ZNF490: variants seen among roughly 807,000 people sequenced by gnomAD.
The protein encoded by ZNF490 is zinc finger protein 490.
In ZNF490, 11 loss-of-function variants were observed where a neutral mutation model predicts 17.7. The ratio of observed to expected loss-of-function variants is 0.62; its 90% CI spans 0.39 to 1.03. The LOEUF (loss-of-function observed/expected upper bound fraction) is 1.03, where lower values mean the gene tolerates loss of function less well. Among genes scored for constraint, ZNF490 ranks in the 50% least tolerant of loss-of-function variants. The probability of loss-of-function intolerance (pLI) is 0.00; values close to 1 mark genes in which losing one functional copy is unlikely to be tolerated. For synonymous variants in ZNF490, 222 were observed against 216.1 expected, an observed-to-expected ratio of 1.03 and a Z score of -0.24; for missense variants, 542 against 643.4, an observed-to-expected ratio of 0.84 and a Z score of 1.71.
Position 12,580,819 on chromosome 19 carries a change from T to A in ZNF490, c.1256A>T (p.Glu419Val). 1 of 1,614,174 alleles carries A rather than the reference T, an allele frequency of 6.2e-7. No individual in the cohort carries two copies. Among genetic ancestry groups the A allele is most frequent in the Non-Finnish European group, 8.5e-7 (1 of 1,180,026 alleles). Residue 419 changes from glutamate (E) to valine (V), a missense_variant, in exon 5 of 5, where the codon GAA becomes GTA. Physicochemically the swap from Glu to Val is moderately radical, Grantham distance 121 (BLOSUM62 -2). Coordinates refer to ENST00000311437, the MANE Select transcript of ZNF490 (RefSeq NM_020714.3). ...ERVHTGEKTY[E>V]CKECGKAFLY... ...AAAGGCTTTACCACATTCTTTACAT[T>A]CGTAAGTTTTCTCGCCAGTGTGAAC...
At chr19:12,608,775 A>AT (rs1015547042) in intron 2 of ZNF490, among the ~76,000 whole-genome samples, 9 of 151,632 alleles carry the variant, frequency 5.9e-5, no homozygotes, top group Non-Finnish European at 1.5e-5. Context: ...ACACCCAGCC[A>AT]TTTTTTTTAT....
At chr19:12,593,333 C>T (rs904791722) in intron 2 of ZNF490, among the ~76,000 whole-genome samples, 6 of 151,876 alleles carry the variant, frequency 4.0e-5, no homozygotes, top group Admixed American at 2.0e-4. Flanking sequence ...CTGCAACCTC[C>T]GCCTCCCAGG....
At position 12,577,629 on chromosome 19, in the gene ZNF490, A is replaced by C; in HGVS notation, c.*2856T>G. 1.0e-6 allele frequency: 1 copy of C among 985,482 alleles called. No homozygotes were observed. The highest frequency in any genetic ancestry group is 1.2e-6 in the Non-Finnish European group (1 of 829,970). The allele number at this position is 985,482 out of a possible 1,614,324, so 61.0% of individuals were successfully genotyped here. On this transcript the variant is annotated 3_prime_UTR_variant, in exon 5 of 5. Coordinates refer to ENST00000311437, the MANE Select transcript of ZNF490 (RefSeq NM_020714.3). ...TAGCCGTCACTTCCACTGAGGCCTCATCTGCCAGCAAACCTTGCTCCAGTC... is the reference window on the plus strand; with the variant it reads ...TAGCCGTCACTTCCACTGAGGCCTCCTCTGCCAGCAAACCTTGCTCCAGTC...
chr19:12,591,842 A>C (rs1026344567), intron 2 of ZNF490, among the ~76,000 whole-genome samples: 39 of 152,122 alleles, frequency 2.6e-4, no homozygotes, highest in Non-Finnish European at 5.6e-4. Context: ...CAAAAAAAAA[A>C]AAAACACACT....
At chr19:12,588,585 G>A (rs1453535653) in intron 2 of ZNF490, among the ~76,000 whole-genome samples, 1 of 152,166 alleles carries the variant, frequency 6.6e-6, no homozygotes, top group African/African-American at 2.4e-5. Flanking sequence ...AATCAGGAAG[G>A]ACATAATTAA....
In ZNF490 at chr19:12,578,180, G is replaced by A. The variant is rs531759221; in HGVS notation, c.*2305C>T. The A allele has an allele frequency of 5.2e-4, 516 of 985,498 alleles. 1 individual carries two copies. Among genetic ancestry groups the A allele is most frequent in the African/African-American group, 5.0e-3 (287 of 57,366 alleles). The allele number at this position is 985,498 out of a possible 1,614,324, so 61.0% of individuals were successfully genotyped here. The stretch of plus-strand genomic sequence containing the variant: ...ATGCATGTGACATGCACTGACGTGA[G>A]AAGGCCGGAGCATCATCAGTGCATA... On this transcript the variant is annotated 3_prime_UTR_variant, in exon 5 of 5. Transcript: ENST00000311437.
At position 12,578,921 on chromosome 19, in the gene ZNF490, A is replaced by C; in HGVS notation, c.*1564T>G. On this transcript the variant is annotated 3_prime_UTR_variant, in exon 5 of 5. Transcript: ENST00000311437. The stretch of plus-strand genomic sequence containing the variant: ...GATGTTCCCATATTGCTTACATTTA[A>C]GAAGGTGGCTCTCCAGTGTGGGTGG... 2.0e-6 allele frequency: 2 copies of C among 985,380 alleles called. No homozygotes were observed. Among genetic ancestry groups the C allele is most frequent in the Non-Finnish European group, 1.2e-6 (1 of 829,868 alleles). The allele number at this position is 985,380 out of a possible 1,614,324, so 61.0% of individuals were successfully genotyped here. A position where few individuals can be genotyped will look rare whatever the true frequency, so the allele number is the denominator to read the frequency against.
chr19:12,578,639 C>G lies in ZNF490; in HGVS notation c.*1846G>C. 1.0e-6 allele frequency: 1 copy of G among 985,394 alleles called. No individual in the cohort carries two copies. Among genetic ancestry groups the G allele is most frequent in the Non-Finnish European group, 1.2e-6 (1 of 829,954 alleles). 61.0% of individuals were successfully genotyped at this position (985,394 alleles called of 1,614,324 possible). ...CCACTTGGGGAAAAACTGTAAGATG[C>G]GAACCTTTGTCTTAGAAGTACAGCA... On this transcript the variant is annotated 3_prime_UTR_variant, in exon 5 of 5. Transcript: ENST00000311437.
At position 12,579,484 on chromosome 19, in the gene ZNF490, G is replaced by A. The variant is rs1352605169; in HGVS notation, c.*1001C>T. The A allele has an allele frequency of 6.8e-6, 1 of 146,918 alleles. No individual in the cohort carries two copies. Among genetic ancestry groups the A allele is most frequent in the Non-Finnish European group, 1.5e-5 (1 of 67,362 alleles). The allele number at this position is 146,918 out of a possible 1,614,324, so 9.1% of individuals were successfully genotyped here. A position where few individuals can be genotyped will look rare whatever the true frequency, so the allele number is the denominator to read the frequency against. Reference sequence around the variant, plus strand: ...GATTGCTTTGACCTGGGAGGCAGAGGTTGCGCCACTTTCACTCCAGCCTAG... The same window carrying A: ...GATTGCTTTGACCTGGGAGGCAGAGATTGCGCCACTTTCACTCCAGCCTAG... On this transcript the variant is annotated 3_prime_UTR_variant, in exon 5 of 5. Transcript: ENST00000311437.
rs1480416728 is a variant in ZNF490, at chr19:12,595,761, C to A, written c.163-12205G>T. Among the ~76,000 whole-genome samples, 7 of 151,228 alleles carry A rather than the reference C, an allele frequency of 4.6e-5. No homozygotes were observed. The East Asian group carries it at 1.4e-3, about 30-fold the overall frequency. The stretch of plus-strand genomic sequence containing the variant: ...GGTCAGGAGTTTGAGACCAGCCTGG[C>A]CAACCTGGCGAAACCCCATCTCTAC... On this transcript the variant is annotated intron_variant, in intron 2 of 4. Coordinates refer to ENST00000311437, the MANE Select transcript of ZNF490 (RefSeq NM_020714.3).
intron 2 of ZNF490, among the ~76,000 whole-genome samples, chr19:12,605,073 A>G (rs868467010): frequency 1.3e-5 from 2 of 152,174 alleles, no homozygotes; most frequent in Middle Eastern, 3.4e-3. Flanking sequence ...GAATCATTTG[A>G]ACCCTGGAGA....
chr19:12,584,011 C>A (rs747662432), intron 2 of ZNF490, among the ~76,000 whole-genome samples: 2 of 150,658 alleles, frequency 1.3e-5, no homozygotes, highest in Non-Finnish European at 1.5e-5. Flanking sequence ...AGAGTTTCAC[C>A]GTGTTAGCCA....
intron 2 of ZNF490, among the ~76,000 whole-genome samples, chr19:12,598,639 A>C (rs1452547567): frequency 6.6e-6 from 1 of 151,008 alleles, no homozygotes; most frequent in Non-Finnish European, 1.5e-5. Flanking sequence ...GGCCTCCCAA[A>C]GTGCTGGGAT....
rs549234737 is a variant in ZNF490, at chr19:12,603,882, C to T, written c.162+5276G>A. On this transcript the variant is annotated intron_variant, in intron 2 of 4. Transcript: ENST00000311437. ...GGTGGAAGAAATGTCTTTAGTTATT[C>T]ATAACCATCCCCTTTCCACCACAGC... is the stretch of plus-strand genomic sequence containing the variant. 3.9e-5 allele frequency among the ~76,000 whole-genome samples: 6 copies of T among 151,908 alleles called. No homozygotes were observed. In the South Asian group the frequency reaches 1.0e-3, roughly 26 times the overall value.
Position 12,577,244 on chromosome 19 carries a change from T to A in ZNF490, c.*3241A>T, listed in dbSNP as rs984076212. Among the ~76,000 whole-genome samples the A allele has an allele frequency of 6.6e-6, 1 of 152,106 alleles. No individual in the cohort carries two copies. The highest frequency in any genetic ancestry group is 6.5e-5 in the Admixed American group (1 of 15,270). On this transcript the variant is annotated 3_prime_UTR_variant, in exon 5 of 5. Transcript: ENST00000311437. ...TACACAAAAGGGTTTTACAAAAACA[T>A]CATCATAGACCCACATATACTTGTC...
intron 4 of ZNF490, among the ~76,000 whole-genome samples, chr19:12,582,079 G>A (rs1417000017): frequency 3.9e-5 from 6 of 152,068 alleles, no homozygotes; most frequent in African/African-American, 7.2e-5. Context: ...GCACCACCAC[G>A]CCCCGCTAAT....
rs935961627 is a variant in ZNF490, at chr19:12,580,428, C to G, written c.*57G>C. ...CTTGAATTTCTCTCCAGCGTAAGTACTCTCATACATCCAAAAGGAACTAAT... is the reference window on the plus strand; with the variant it reads ...CTTGAATTTCTCTCCAGCGTAAGTAGTCTCATACATCCAAAAGGAACTAAT... On this transcript the variant is annotated 3_prime_UTR_variant, in exon 5 of 5. Transcript: ENST00000311437. The G allele has an allele frequency of 1.3e-6, 2 of 1,520,760 alleles. No homozygotes were observed. The highest frequency in any genetic ancestry group is 2.2e-5 in the Admixed American group (1 of 45,108). The allele number at this position is 1,520,760 out of a possible 1,614,324, so 94.2% of individuals were successfully genotyped here.
Position 12,580,296 on chromosome 19 carries a change from G to C in ZNF490, c.*189C>G. On this transcript the variant is annotated 3_prime_UTR_variant, in exon 5 of 5. Coordinates refer to ENST00000311437, the MANE Select transcript of ZNF490 (RefSeq NM_020714.3). Reference sequence around the variant, plus strand: ...CCATTCACATATCTGCAATCCCGCAGGAGAGTGCAAGTTCCTCCCCCATTT... The same window carrying C: ...CCATTCACATATCTGCAATCCCGCACGAGAGTGCAAGTTCCTCCCCCATTT... 7.2e-7 allele frequency: 1 copy of C among 1,391,298 alleles called. No homozygotes were observed. The highest frequency in any genetic ancestry group is 1.9e-5 in the South Asian group (1 of 53,626). 86.2% of individuals were successfully genotyped at this position (1,391,298 alleles called of 1,614,324 possible).
chr19:12,589,061 C>T (rs1404098235), intron 2 of ZNF490, among the ~76,000 whole-genome samples: 2 of 152,200 alleles, frequency 1.3e-5, no homozygotes, highest in Non-Finnish European at 2.9e-5. Flanking sequence ...GTGGCTCACG[C>T]CTGTAATCCC....
Sources: allele counts gnomAD v4.1 joint callset (sites outside exome capture counted in the v4.1 genomes callset), GRCh38; gene constraint gnomAD v4.1.1; transcripts MANE v1.5; gene names NCBI Gene and HGNC (gene_info 2026-07-23, HGNC 2026-07-21).